The following EHF variants were observed in gnomAD, a reference collection of about 807,000 sequenced individuals.
EHF encodes ETS homologous factor.
In EHF, 14 loss-of-function variants were observed where a neutral mutation model predicts 45.1. The observed-to-expected ratio is 0.31, with a 90% CI of 0.21 to 0.49. The LOEUF (loss-of-function observed/expected upper bound fraction) is 0.49. EHF is among the 20% of genes least tolerant of loss of function. The pLI, the probability that EHF is intolerant of heterozygous loss-of-function variation, is 0.99. For missense variants in EHF, 282 were observed against 371.4 expected (o/e 0.76, Z 1.98); for synonymous variants, 136 against 131.8 (o/e 1.03, Z -0.22).
At chr11:34,637,899 C>CTTT (rs11415150) in intron 1 of EHF, among the ~76,000 whole-genome samples, 7 of 145,842 alleles carry the variant, frequency 4.8e-5, no homozygotes, top group African/African-American at 1.8e-4. Context: ...CATTTCACTC[C>CTTT]TTTTTTTTTT....
At chr11:34,629,754 G>C (rs549012965) in intron 1 of EHF, among the ~76,000 whole-genome samples, 2 of 152,306 alleles carry the variant, frequency 1.3e-5, no homozygotes, top group Admixed American at 6.5e-5. Flanking sequence ...TGGTCAGTCA[G>C]TGATGTTCAT....
chr11:34,654,184 A>G (rs560783756), intron 6 of EHF, among the ~76,000 whole-genome samples: 6 of 152,344 alleles, frequency 3.9e-5, no homozygotes, highest in Admixed American at 3.9e-4. Context: ...TCTCACTTGC[A>G]TCACAAACCT....
chr11:34,631,981 A>G (rs1852936460), intron 1 of EHF, among the ~76,000 whole-genome samples: 1 of 152,180 alleles, frequency 6.6e-6, no homozygotes, highest in Admixed American at 6.5e-5. Context: ...GTGCCCTCAC[A>G]GAACCAGCCA....
rs77009532 is a variant in EHF, at chr11:34,661,480, A to G, written c.*2549A>G. ...GTGAATGTGAAGAGTACCAACTACA[A>G]CAATTCTACAGATAATTAGTGGATT... On this transcript the variant is annotated 3_prime_UTR_variant, in exon 9 of 9. Transcript: ENST00000257831. 8.4e-3 allele frequency among the ~76,000 whole-genome samples: 1,285 copies of G among 152,296 alleles called. 11 individuals carry two copies. The highest frequency in any genetic ancestry group is 0.014 in the Non-Finnish European group (958 of 68,006).
chr11:34,641,480 T>A (rs1393596024), intron 1 of EHF, among the ~76,000 whole-genome samples: 1 of 152,052 alleles, frequency 6.6e-6, no homozygotes, highest in African/African-American at 2.4e-5. Context: ...GGGCTGAAAA[T>A]CCTCTGGGTT....
chr11:34,636,700 A>C (rs1279760281), intron 1 of EHF, among the ~76,000 whole-genome samples: 1 of 152,164 alleles, frequency 6.6e-6, no homozygotes, highest in South Asian at 2.1e-4. Context: ...GGCCGTTTGA[A>C]TCATGAGCCC....
At chr11:34,641,011 G>A (rs1853945611) in intron 1 of EHF, among the ~76,000 whole-genome samples, 1 of 152,120 alleles carries the variant, frequency 6.6e-6, no homozygotes, top group African/African-American at 2.4e-5. Context: ...AACTTGTCTG[G>A]GTGAGTACTA....
intron 6 of EHF, among the ~76,000 whole-genome samples, chr11:34,653,836 G>A (rs890221785): frequency 6.6e-6 from 1 of 152,168 alleles, no homozygotes; most frequent in African/African-American, 2.4e-5. Context: ...TTTAATGCTA[G>A]TTACCAGCTG....
chr11:34,632,670 GCCAGAGAGGGTTGC>G, intron 1 of EHF: 1 of 1,535,424 alleles, frequency 6.5e-7, no homozygotes, highest in Non-Finnish European at 8.7e-7. Context: ...ATTCTCAAAT[GCCAGAGAGGGTTGC>G]CCGGCTCTCT....
chr11:34,624,586 A>G (rs1028864052), intron 1 of EHF, among the ~76,000 whole-genome samples: 1 of 152,228 alleles, frequency 6.6e-6, no homozygotes, highest in Non-Finnish European at 1.5e-5. Context: ...TAAGCTGTGC[A>G]GGAAACAAAC....
In EHF at chr11:34,659,505, A is replaced by G. The variant is rs1272968774; in HGVS notation, c.*574A>G. On this transcript the variant is annotated 3_prime_UTR_variant, in exon 9 of 9. Coordinates refer to ENST00000257831, the MANE Select transcript of EHF (RefSeq NM_012153.6). ...GGACTTCCAAAACCCAAGGTTGGCT[A>G]TAATCTCTGCATAACCACATGACTT... is the stretch of plus-strand genomic sequence containing the variant. 2 of 152,714 alleles carry G rather than the reference A, an allele frequency of 1.3e-5. No homozygotes were observed. Among genetic ancestry groups the G allele is most frequent in the Non-Finnish European group, 2.9e-5 (2 of 68,408 alleles). The allele number at this position is 152,714 out of a possible 1,614,324, so 9.5% of individuals were successfully genotyped here.
intron 1 of EHF, among the ~76,000 whole-genome samples, chr11:34,625,101 C>T (rs1181079017): frequency 6.6e-6 from 1 of 152,126 alleles, no homozygotes; most frequent in Admixed American, 6.5e-5. Flanking sequence ...GAGAAGCCTT[C>T]TAAGGATGAG....
At chr11:34,647,094 C>CA (rs899804963) in intron 3 of EHF, among the ~76,000 whole-genome samples, 2 of 136,318 alleles carry the variant, frequency 1.5e-5, no homozygotes, top group Non-Finnish European at 3.2e-5. Flanking sequence ...ACCCCCCCCA[C>CA]ACACACACAC....
chr11:34,655,230 G>A (rs1320594746), intron 6 of EHF, among the ~76,000 whole-genome samples: 2 of 152,146 alleles, frequency 1.3e-5, no homozygotes, highest in Non-Finnish European at 2.9e-5. Flanking sequence ...CTTGTTTACT[G>A]AGGTCTTATT....
At chr11:34,624,324 C>CGG in intron 1 of EHF, 1 of 985,314 alleles carries the variant, frequency 1.0e-6, no homozygotes, top group Middle Eastern at 5.2e-4. Context: ...TTGGGTAAGC[C>CGG]GGGTCTGCGG....
intron 6 of EHF, among the ~76,000 whole-genome samples, chr11:34,653,146 TTCCATCCTTCCATCCTTCCATC>T (rs1855349698): frequency 0.13 from 14 of 104 alleles, no homozygotes; most frequent in African/African-American, 0.2. Context: ...TCCCACATCC[TTCCATCCTTCCATCCTTCCATC>T]CTTCCATCCT....
rs147664541 is a variant in EHF, at chr11:34,658,736, G to A, written c.803+8G>A. 16 of 1,610,224 alleles carry A rather than the reference G, an allele frequency of 9.9e-6. No individual in the cohort carries two copies. The highest frequency in any genetic ancestry group is 1.7e-4 in the Middle Eastern group (1 of 6,034). On this transcript the variant is annotated splice_region_variant and intron_variant, in intron 8 of 8. Transcript: ENST00000257831. ...GCTCAGCCGAGCTATGAGGTGAGGA[G>A]TTTCATGTCTCTGAAAACAAAAAGG...
chr11:34,654,743 A>T (rs1449649009), intron 6 of EHF, among the ~76,000 whole-genome samples: 3 of 152,068 alleles, frequency 2.0e-5, no homozygotes, highest in African/African-American at 4.8e-5. Flanking sequence ...TTCTGAGGAG[A>T]GGGTCCAAGG....
rs971775328 is a variant in EHF at position 34,651,687 on chromosome 11, G to A, written c.476-50G>A. The A allele has an allele frequency of 4.3e-6, 7 of 1,610,120 alleles. No homozygotes were observed. The African/African-American group carries it at 6.7e-5, about 15-fold the overall frequency. Reference sequence around the variant, plus strand: ...TAAGAGCCACAGTGTTCTATTGTGAGGTGGGGGGAGGGGGTGCTCTAAATG... The same window carrying A: ...TAAGAGCCACAGTGTTCTATTGTGAAGTGGGGGGAGGGGGTGCTCTAAATG... On this transcript the variant is annotated intron_variant, in intron 5 of 8. Transcript: ENST00000257831.
Sources: gnomAD v4.1 joint callset for allele counts (sites outside exome capture counted in the v4.1 genomes callset) on GRCh38, gnomAD v4.1.1 for gene constraint, MANE v1.5 for transcripts, NCBI Gene and HGNC (gene_info 2026-07-23, HGNC 2026-07-21) for gene names.